Variants in FUT9 observed in about 807,000 individuals in gnomAD.
FUT9 encodes the protein 4-galactosyl-N-acetylglucosaminide 3-alpha-L-fucosyltransferase 9.
Under a neutral mutation model 29.7 loss-of-function variants are expected in FUT9, and 15 were observed. That is an observed-to-expected ratio of 0.51 (90% confidence interval 0.34 to 0.78). The LOEUF (loss-of-function observed/expected upper bound fraction) is 0.78. Ranked by LOEUF, FUT9 falls within the 30% of genes least tolerant of loss-of-function variation. The pLI, the probability that FUT9 is intolerant of heterozygous loss-of-function variation, is 0.01. For missense variants in FUT9, 319 were observed against 425.4 expected (o/e 0.75, Z 2.20); for synonymous variants, 169 against 153.7 (o/e 1.10, Z -0.74).
intron 1 of FUT9, among the ~76,000 whole-genome samples, chr6:96,048,350 T>G (rs981104221): frequency 2.0e-5 from 3 of 152,040 alleles, no homozygotes; most frequent in Non-Finnish European, 4.4e-5. Context: ...AGTGGGTAAG[T>G]GGAATGATAA....
chr6:96,090,394 C>T (rs1050734700), intron 1 of FUT9, among the ~76,000 whole-genome samples: 1 of 151,506 alleles, frequency 6.6e-6, no homozygotes, highest in Admixed American at 6.6e-5. Context: ...TAAAACAATA[C>T]TTATAGACTA....
intron 2 of FUT9, among the ~76,000 whole-genome samples, chr6:96,163,092 A>G (rs1378110074): frequency 6.6e-6 from 1 of 152,180 alleles, no homozygotes; most frequent in Non-Finnish European, 1.5e-5. Flanking sequence ...AGAAAATGTG[A>G]GAGGTCCTCC....
At chr6:96,019,639 T>A (rs1213853498) in intron 1 of FUT9, among the ~76,000 whole-genome samples, 1 of 152,084 alleles carries the variant, frequency 6.6e-6, no homozygotes, top group Non-Finnish European at 1.5e-5. Context: ...AGTGATACTC[T>A]CATAAACTCT....
intron 2 of FUT9, among the ~76,000 whole-genome samples, chr6:96,142,933 A>T (rs1261844367): frequency 6.6e-6 from 1 of 152,168 alleles, no homozygotes; most frequent in Admixed American, 6.5e-5. Context: ...ATATAATTTT[A>T]AAAACTATTT....
intron 1 of FUT9, among the ~76,000 whole-genome samples, chr6:96,102,968 G>A (rs1195052949): frequency 6.6e-6 from 1 of 152,284 alleles, no homozygotes; most frequent in Non-Finnish European, 1.5e-5. Context: ...AGGCTAGAGT[G>A]ACTAAAGCAG....
intron 2 of FUT9, among the ~76,000 whole-genome samples, chr6:96,156,292 C>T (rs1378021307): frequency 1.3e-5 from 2 of 152,154 alleles, no homozygotes; most frequent in Non-Finnish European, 2.9e-5. Flanking sequence ...AACTTTTCCC[C>T]TTGGAGCCTT....
chr6:96,109,072 G>A (rs954381498), intron 1 of FUT9, among the ~76,000 whole-genome samples: 13 of 152,194 alleles, frequency 8.5e-5, no homozygotes, highest in African/African-American at 3.1e-4. Context: ...ATAGCCACAG[G>A]ATTTGGCTCC....
At position 96,080,664 on chromosome 6, in the gene FUT9, C is replaced by G. The variant is rs898149650; in HGVS notation, c.-97-33375C>G. Among the ~76,000 whole-genome samples the G allele has an allele frequency of 2.6e-5, 4 of 151,990 alleles. No individual in the cohort carries two copies. The South Asian group carries it at 8.3e-4, about 31-fold the overall frequency. On this transcript the variant is annotated intron_variant, in intron 1 of 2. Coordinates refer to ENST00000302103, the MANE Select transcript of FUT9 (RefSeq NM_006581.4). ...TCATGTCTTGACCATGTACCTTCTT[C>G]CATTTCAATCCACAGTCCTTCCTAA...
chr6:96,101,047 A>G (rs1475879122), intron 1 of FUT9, among the ~76,000 whole-genome samples: 2 of 152,196 alleles, frequency 1.3e-5, no homozygotes, highest in Non-Finnish European at 2.9e-5. Flanking sequence ...AAAACTAGAT[A>G]CTTCATATCT....
chr6:96,018,179 G>A (rs1256810502), intron 1 of FUT9, among the ~76,000 whole-genome samples: 2 of 147,406 alleles, frequency 1.4e-5, no homozygotes, highest in African/African-American at 5.4e-5. Flanking sequence ...AACATTCAAA[G>A]CTGTTCTCAT....
At chr6:96,188,089 C>T (rs1296540037) in intron 2 of FUT9, among the ~76,000 whole-genome samples, 6 of 152,028 alleles carry the variant, frequency 3.9e-5, no homozygotes, top group Non-Finnish European at 8.8e-5. Flanking sequence ...TGTTCCTGGC[C>T]GTTGGCTTCC....
intron 2 of FUT9, among the ~76,000 whole-genome samples, chr6:96,167,918 G>T (rs992952450): frequency 3.9e-5 from 6 of 152,112 alleles, no homozygotes; most frequent in Non-Finnish European, 5.9e-5. Context: ...AGAGAATGAA[G>T]AAGAGGTCAG....
chr6:96,170,381 T>G (rs1336926681), intron 2 of FUT9, among the ~76,000 whole-genome samples: 1 of 152,198 alleles, frequency 6.6e-6, no homozygotes, highest in Non-Finnish European at 1.5e-5. Context: ...TAAGATTTAA[T>G]GTTAACAGCA....
At chr6:96,186,829 C>A (rs935875135) in intron 2 of FUT9, among the ~76,000 whole-genome samples, 1 of 152,098 alleles carries the variant, frequency 6.6e-6, no homozygotes, top group African/African-American at 2.4e-5. Context: ...CTTTCTCTAC[C>A]TTTTTACTTT....
intron 2 of FUT9, among the ~76,000 whole-genome samples, chr6:96,199,369 A>T (rs1024369825): frequency 2.0e-5 from 3 of 152,130 alleles, no homozygotes; most frequent in Admixed American, 6.6e-5. Flanking sequence ...TTACTGAGTA[A>T]CTGCCCCTAT....
At chr6:96,058,630 C>A (rs9485608) in intron 1 of FUT9, among the ~76,000 whole-genome samples, 82,957 of 151,916 alleles carry the variant, frequency 0.55, 22,757 homozygotes, top group South Asian at 0.63. Flanking sequence ...TTTGAAGAAC[C>A]AAATAATAAA....
intron 1 of FUT9, among the ~76,000 whole-genome samples, chr6:96,039,537 GCCTGTGCATGTGATTTT>G (rs1770418970): frequency 2.0e-5 from 3 of 151,708 alleles, no homozygotes; most frequent in Admixed American, 6.6e-5. Flanking sequence ...CCCACTTCAG[GCCTGTGCATGTGATTTT>G]TTTGTGCCTG....
In FUT9 at chr6:96,085,006, A is replaced by G. The variant is rs1236504021; in HGVS notation, c.-97-29033A>G. Among the ~76,000 whole-genome samples the G allele has an allele frequency of 2.6e-5, 4 of 152,282 alleles. No individual in the cohort carries two copies. The East Asian group carries it at 7.7e-4, about 29-fold the overall frequency. ...CTGAATAATTTCTATCCACATTGCT[A>G]AATGTATGTATTTCCCAGTTTGACT... On this transcript the variant is annotated intron_variant, in intron 1 of 2. Coordinates refer to ENST00000302103, the MANE Select transcript of FUT9 (RefSeq NM_006581.4).
intron 1 of FUT9, among the ~76,000 whole-genome samples, chr6:96,065,947 A>G (rs1194632601): frequency 2.0e-5 from 3 of 152,202 alleles, no homozygotes; most frequent in Non-Finnish European, 4.4e-5. Context: ...TCAAAAATGA[A>G]CATTGAAGAA....
Sources: gnomAD v4.1 joint callset for allele counts (sites outside exome capture counted in the v4.1 genomes callset) on GRCh38, gnomAD v4.1.1 for gene constraint, MANE v1.5 for transcripts, NCBI Gene and HGNC (gene_info 2026-07-23, HGNC 2026-07-21) for gene names.